IMMP2L: variants seen among roughly 807,000 people sequenced by gnomAD.
IMMP2L encodes mitochondrial inner membrane protease subunit 2.
In IMMP2L, 18 loss-of-function variants were observed where a neutral mutation model predicts 19.3. The observed-to-expected ratio is 0.93, with a 90% CI of 0.64 to 1.38. IMMP2L has a LOEUF of 1.38. Ranked by LOEUF, IMMP2L falls within the 40% of genes most tolerant of loss-of-function variation. IMMP2L has a pLI of 0.00. For synonymous variants in IMMP2L, 76 were observed against 73.0 expected (o/e 1.04, Z -0.21); for missense variants, 233 against 218.2 (o/e 1.07, Z -0.43).
intron 3 of IMMP2L, among the ~76,000 whole-genome samples, chr7:111,408,082 T>G (rs1009760654): frequency 6.6e-6 from 1 of 151,972 alleles, no homozygotes; most frequent in African/African-American, 2.4e-5. Context: ...ATTAATTAAC[T>G]TATAAAAATA....
intron 1 of IMMP2L, among the ~76,000 whole-genome samples, chr7:111,559,820 G>A (rs559812353): frequency 3.3e-5 from 5 of 152,192 alleles, no homozygotes; most frequent in Admixed American, 3.3e-4. Context: ...AAGCAGCAGA[G>A]AAATTTTAAT....
chr7:111,195,745 T>C (rs565701308), intron 3 of IMMP2L, among the ~76,000 whole-genome samples: 22 of 152,428 alleles, frequency 1.4e-4, no homozygotes, highest in African/African-American at 4.8e-4. Context: ...ATGATAAATT[T>C]AACTTTTAGA....
chr7:111,547,453 C>T (rs1205716000), intron 1 of IMMP2L, among the ~76,000 whole-genome samples: 1 of 151,832 alleles, frequency 6.6e-6, no homozygotes, highest in East Asian at 1.9e-4. Context: ...TCATGCAGTT[C>T]ACTCAACAAC....
intron 3 of IMMP2L, among the ~76,000 whole-genome samples, chr7:111,118,210 C>G (rs1159439969): frequency 2.0e-5 from 3 of 152,014 alleles, no homozygotes; most frequent in Admixed American, 6.6e-5. Context: ...GATATTTTAT[C>G]TTATTTATTG....
intron 2 of IMMP2L, 98 bp from the exon 3 acceptor site, chr7:111,487,439 TCTAATA>T (rs1842750549): frequency 1.5e-6 from 1 of 684,882 alleles, no homozygotes; most frequent in East Asian, 2.7e-5. Context: ...ATAAAACATT[TCTAATA>T]CAGTACCTTT....
chr7:110,971,474 A>C (rs1820137449), intron 3 of IMMP2L, among the ~76,000 whole-genome samples: 1 of 152,130 alleles, frequency 6.6e-6, no homozygotes, highest in African/African-American at 2.4e-5. Flanking sequence ...CCAACATGCC[A>C]TCCCATGGAT....
rs116672573 is a variant in IMMP2L, at chr7:111,443,435, C to T, written c.239+43803G>A. 8.9e-3 allele frequency among the ~76,000 whole-genome samples: 1,362 copies of T among 152,254 alleles called. 26 individuals are homozygous for T. The highest frequency in any genetic ancestry group is 0.031 in the African/African-American group (1,308 of 41,554). Reference sequence around the variant, plus strand: ...GCAGAGGAGGATAAAATCACAGTCACTCTTTGACCCAAAATCAACTTAATT... The same window carrying T: ...GCAGAGGAGGATAAAATCACAGTCATTCTTTGACCCAAAATCAACTTAATT... On this transcript the variant is annotated intron_variant, in intron 3 of 5. Transcript: ENST00000405709.
At chr7:111,477,081 T>A (rs149235783) in intron 3 of IMMP2L, among the ~76,000 whole-genome samples, 1 of 152,234 alleles carries the variant, frequency 6.6e-6, no homozygotes, top group Non-Finnish European at 1.5e-5. Context: ...CTCATATTTA[T>A]TGATGCATCC....
At chr7:111,081,035 G>A (rs1324481047) in intron 3 of IMMP2L, among the ~76,000 whole-genome samples, 1 of 152,196 alleles carries the variant, frequency 6.6e-6, no homozygotes, top group Non-Finnish European at 1.5e-5. Context: ...AATCAGACTA[G>A]TGAGGATATT....
chr7:110,832,232 G>C (rs1168649270), intron 5 of IMMP2L, among the ~76,000 whole-genome samples: 1 of 152,082 alleles, frequency 6.6e-6, no homozygotes, highest in Non-Finnish European at 1.5e-5. Flanking sequence ...CTGCACTCCA[G>C]CCTGGGGACA....
At chr7:111,010,621 T>C (rs764829993) in intron 3 of IMMP2L, among the ~76,000 whole-genome samples, 6 of 152,108 alleles carry the variant, frequency 3.9e-5, no homozygotes, top group Non-Finnish European at 5.9e-5. Flanking sequence ...AGGGAATGTA[T>C]AGATCCAGGC....
intron 4 of IMMP2L, among the ~76,000 whole-genome samples, chr7:110,890,829 T>G (rs1810714679): frequency 6.6e-6 from 1 of 152,096 alleles, no homozygotes; most frequent in Non-Finnish European, 1.5e-5. Flanking sequence ...AATCATTACC[T>G]CCAGTTTGAT....
chr7:111,530,331 A>T (rs962478443), intron 1 of IMMP2L, among the ~76,000 whole-genome samples: 2 of 152,224 alleles, frequency 1.3e-5, no homozygotes, highest in African/African-American at 4.8e-5. Context: ...AGGACTAGTA[A>T]TAACAAATCA....
rs138838018 is a variant in IMMP2L, at chr7:110,869,193, A to G, written c.408+17400T>C. Among the ~76,000 whole-genome samples the G allele has an allele frequency of 2.0e-5, 3 of 152,098 alleles. No individual in the cohort carries two copies. In the East Asian group the frequency reaches 5.8e-4, roughly 30 times the overall value. On this transcript the variant is annotated intron_variant, in intron 5 of 5. Transcript: ENST00000405709. ...GCTATTGAAACTTTCTAATAAAATA[A>G]AACACATATTTAATTAACACACTCT...
chr7:111,289,810 C>G (rs187581455), intron 3 of IMMP2L, among the ~76,000 whole-genome samples: 135 of 151,958 alleles, frequency 8.9e-4, no homozygotes, highest in Admixed American at 2.9e-3. Context: ...CTCAGTATAC[C>G]TACTGTTCTT....
At chr7:110,844,457 C>CA (rs148239709) in intron 5 of IMMP2L, among the ~76,000 whole-genome samples, 1,543 of 151,450 alleles carry the variant, frequency 0.01, 22 homozygotes, top group African/African-American at 0.034. Context: ...AAATGGAAAC[C>CA]AAAAAAAGTT....
intron 3 of IMMP2L, among the ~76,000 whole-genome samples, chr7:110,987,714 G>T (rs1038629453): frequency 1.1e-4 from 17 of 152,142 alleles, no homozygotes; most frequent in African/African-American, 3.9e-4. Context: ...CAGTGTGCAG[G>T]TGTCGAAATG....
chr7:110,989,134 T>A (rs1037613341), intron 3 of IMMP2L, among the ~76,000 whole-genome samples: 1 of 151,574 alleles, frequency 6.6e-6, no homozygotes, highest in African/African-American at 2.4e-5. Context: ...ACTAGAGAGG[T>A]TGAGACAGGA....
intron 3 of IMMP2L, among the ~76,000 whole-genome samples, chr7:111,273,186 G>C (rs1159508211): frequency 6.6e-6 from 1 of 151,780 alleles, no homozygotes; most frequent in Admixed American, 6.6e-5. Context: ...CTGAGGCAGG[G>C]GAATCGCTTG....
Sources: gnomAD v4.1 joint callset for allele counts (sites outside exome capture counted in the v4.1 genomes callset) on GRCh38, gnomAD v4.1.1 for gene constraint, MANE v1.5 for transcripts, NCBI Gene and HGNC (gene_info 2026-07-23, HGNC 2026-07-21) for gene names.